GNAQ: variants seen among roughly 807,000 people sequenced by gnomAD.
GNAQ encodes the protein G protein subunit alpha q.
Under a neutral mutation model 43.9 loss-of-function variants are expected in GNAQ, and 8 were observed. The ratio of observed to expected loss-of-function variants is 0.18; its 90% CI spans 0.11 to 0.33. GNAQ has a LOEUF of 0.33. Among genes scored for constraint, GNAQ ranks in the 10% least tolerant of loss-of-function variants. The pLI, the probability that GNAQ is intolerant of heterozygous loss-of-function variation, is 1.00. For synonymous variants in GNAQ, 155 were observed against 170.7 expected, an observed-to-expected ratio of 0.91 and a Z score of 0.71; for missense variants, 158 against 450.8, an observed-to-expected ratio of 0.35 and a Z score of 5.88.
chr9:77,986,533 T>C (rs908505029), intron 1 of GNAQ, among the ~76,000 whole-genome samples: 1 of 152,134 alleles, frequency 6.6e-6, no homozygotes, highest in Non-Finnish European at 1.5e-5. Flanking sequence ...TGGGACAGGG[T>C]CTCGTTCTGT....
chr9:77,729,570 T>C (rs1226485069), intron 5 of GNAQ, among the ~76,000 whole-genome samples: 2 of 152,166 alleles, frequency 1.3e-5, no homozygotes, highest in African/African-American at 2.4e-5. Context: ...CTTACCATTC[T>C]TTCTCCCATA....
intron 5 of GNAQ, among the ~76,000 whole-genome samples, chr9:77,762,163 A>T (rs1826045427): frequency 7.9e-6 from 1 of 127,258 alleles, no homozygotes; most frequent in South Asian, 2.6e-4. Flanking sequence ...CCCGTCCGGG[A>T]GGTGAGGGGC....
At chr9:77,808,110 C>T (rs943936079) in intron 3 of GNAQ, among the ~76,000 whole-genome samples, 8 of 152,050 alleles carry the variant, frequency 5.3e-5, no homozygotes, top group African/African-American at 1.9e-4. Context: ...AATAAACGTC[C>T]TGATAAAATG....
At chr9:78,016,639 G>A (rs1008530140) in intron 1 of GNAQ, among the ~76,000 whole-genome samples, 2 of 151,104 alleles carry the variant, frequency 1.3e-5, no homozygotes, top group African/African-American at 2.4e-5. Context: ...CCAAGATCAC[G>A]CCACTGCACT....
chr9:77,946,339 C>A (rs1340904231), intron 1 of GNAQ, among the ~76,000 whole-genome samples: 1 of 152,112 alleles, frequency 6.6e-6, no homozygotes, highest in Admixed American at 6.5e-5. Flanking sequence ...CACTGCCAAC[C>A]AAAACAGCAG....
chr9:77,857,937 T>G (rs1260908797), intron 2 of GNAQ, among the ~76,000 whole-genome samples: 3 of 152,140 alleles, frequency 2.0e-5, no homozygotes, highest in African/African-American at 7.2e-5. Flanking sequence ...CTTCTTTTTA[T>G]TTCCTTACAA....
Position 77,718,931 on chromosome 9 carries a change from C to A in GNAQ, c.*2392G>T, listed in dbSNP as rs1264110390. 4.3e-6 allele frequency: 1 copy of A among 231,826 alleles called. No homozygotes were observed. Among genetic ancestry groups the A allele is most frequent in the African/African-American group, 2.2e-5 (1 of 45,190 alleles). The allele number at this position is 231,826 out of a possible 1,614,324, so 14.4% of individuals were successfully genotyped here. ...ATGAATTGTATAAAAGCTCATATTCCAATCCTAGATCAAATGGCAAAAGTT... is the reference window on the plus strand; with the variant it reads ...ATGAATTGTATAAAAGCTCATATTCAAATCCTAGATCAAATGGCAAAAGTT... On this transcript the variant is annotated 3_prime_UTR_variant, in exon 7 of 7. Transcript: ENST00000286548.
chr9:77,964,435 T>C (rs1823142215), intron 1 of GNAQ, among the ~76,000 whole-genome samples: 1 of 152,182 alleles, frequency 6.6e-6, no homozygotes, highest in Admixed American at 6.5e-5. Context: ...AACAACCCTG[T>C]TAACCACTTA....
chr9:77,823,799 C>T (rs1827150963), intron 2 of GNAQ, among the ~76,000 whole-genome samples: 1 of 152,128 alleles, frequency 6.6e-6, no homozygotes. Flanking sequence ...CCCATGAGGC[C>T]CTTCCCCCAA....
chr9:77,895,146 C>A (rs1828478515), intron 2 of GNAQ, among the ~76,000 whole-genome samples: 1 of 145,276 alleles, frequency 6.9e-6, no homozygotes, highest in Non-Finnish European at 1.5e-5. Flanking sequence ...TGCAGTGAGC[C>A]AAGATCACAC....
intron 2 of GNAQ, among the ~76,000 whole-genome samples, chr9:77,831,744 C>T (rs1827300957): frequency 1.3e-5 from 2 of 152,166 alleles, no homozygotes; most frequent in African/African-American, 4.8e-5. Context: ...GAGAATACAT[C>T]TTATCTGATC....
chr9:77,939,149 C>T (rs1258088140), intron 1 of GNAQ, among the ~76,000 whole-genome samples: 3 of 152,168 alleles, frequency 2.0e-5, no homozygotes, highest in Non-Finnish European at 4.4e-5. Context: ...GGTGTGTCCC[C>T]ATGACCTTCC....
chr9:78,017,537 C>G (rs911524486), intron 1 of GNAQ, among the ~76,000 whole-genome samples: 1 of 152,144 alleles, frequency 6.6e-6, no homozygotes, highest in Non-Finnish European at 1.5e-5. Context: ...GAAAAAGAAC[C>G]ATACATCAGA....
At chr9:78,015,672 C>T (rs1196466336) in intron 1 of GNAQ, among the ~76,000 whole-genome samples, 1 of 151,894 alleles carries the variant, frequency 6.6e-6, no homozygotes, top group Admixed American at 6.6e-5. Flanking sequence ...GTACAGACCA[C>T]ATTCTATCAA....
At chr9:77,980,610 T>A (rs1423370765) in intron 1 of GNAQ, among the ~76,000 whole-genome samples, 2 of 152,102 alleles carry the variant, frequency 1.3e-5, no homozygotes, top group Admixed American at 6.6e-5. Context: ...ACGTGCCTTA[T>A]GCCTTACCAT....
At chr9:77,853,366 TA>T (rs1360815327) in intron 2 of GNAQ, among the ~76,000 whole-genome samples, 2 of 152,174 alleles carry the variant, frequency 1.3e-5, no homozygotes, top group Non-Finnish European at 2.9e-5. Context: ...TGTATATAAA[TA>T]GTAGTAACAG....
chr9:77,803,637 T>C (rs552548086), intron 3 of GNAQ, among the ~76,000 whole-genome samples: 5 of 152,350 alleles, frequency 3.3e-5, no homozygotes, highest in South Asian at 2.1e-4. Flanking sequence ...GGAAGATTCA[T>C]TGGATATGAT....
chr9:77,916,636 G>A (rs563978030), intron 2 of GNAQ, among the ~76,000 whole-genome samples: 55 of 152,264 alleles, frequency 3.6e-4, no homozygotes, highest in African/African-American at 1.2e-3. Context: ...CTCCATGCTA[G>A]GCGAAAGGGA....
At chr9:77,813,933 C>T (rs1233133659) in intron 3 of GNAQ, among the ~76,000 whole-genome samples, 1 of 152,052 alleles carries the variant, frequency 6.6e-6, no homozygotes, top group Non-Finnish European at 1.5e-5. Context: ...AAGGCTAGGG[C>T]AAGACATCAC....
Sources: gnomAD v4.1 joint callset for allele counts (sites outside exome capture counted in the v4.1 genomes callset) on GRCh38, gnomAD v4.1.1 for gene constraint, MANE v1.5 for transcripts, NCBI Gene and HGNC (gene_info 2026-07-23, HGNC 2026-07-21) for gene names.